Variants in CTNNA3 observed in about 807,000 individuals in gnomAD.
CTNNA3 encodes the protein catenin alpha 3.
In CTNNA3, 76 loss-of-function variants were observed where a neutral mutation model predicts 95.7. The observed-to-expected ratio is 0.79, with a 90% CI of 0.66 to 0.96. The LOEUF is 0.96. Among genes scored for constraint, CTNNA3 ranks in the 40% least tolerant of loss-of-function variants. CTNNA3 has a pLI of 0.00. For synonymous variants in CTNNA3, 431 were observed against 374.4 expected (o/e 1.15, Z -1.74); for missense variants, 1,191 against 1,089.8 (o/e 1.09, Z -1.31).
chr10:67,452,256 T>C (rs1196872440), intron 5 of CTNNA3, among the ~76,000 whole-genome samples: 1 of 152,164 alleles, frequency 6.6e-6, no homozygotes, highest in Admixed American at 6.6e-5. Context: ...CTAATATTGA[T>C]ATCAAAATAT....
At chr10:66,441,271 G>A (rs1166231841) in intron 11 of CTNNA3, among the ~76,000 whole-genome samples, 1 of 152,110 alleles carries the variant, frequency 6.6e-6, no homozygotes, top group Non-Finnish European at 1.5e-5. Context: ...ATTGTAATGT[G>A]ACAATTGACA....
At chr10:65,979,911 C>A (rs2078284151) in intron 16 of CTNNA3, among the ~76,000 whole-genome samples, 1 of 151,872 alleles carries the variant, frequency 6.6e-6, no homozygotes, top group South Asian at 2.1e-4. Flanking sequence ...GTTCATTAAT[C>A]TGGAGAACTA....
intron 9 of CTNNA3, among the ~76,000 whole-genome samples, chr10:66,664,889 T>TAAAAAAAAAAAA (rs56801434): frequency 7.4e-6 from 1 of 134,522 alleles, no homozygotes; most frequent in African/African-American, 2.7e-5. Context: ...CTGAAAAAAT[T>TAAAAAAAAAAAA]AAAAAAAAAA....
intron 7 of CTNNA3, among the ~76,000 whole-genome samples, chr10:66,983,575 G>A (rs1850566873): frequency 6.6e-6 from 1 of 152,050 alleles, no homozygotes; most frequent in African/African-American, 2.4e-5. Context: ...AGTTTTTATT[G>A]AGCTATTTAT....
At chr10:66,822,287 G>A (rs929199448) in intron 7 of CTNNA3, among the ~76,000 whole-genome samples, 3 of 151,870 alleles carry the variant, frequency 2.0e-5, no homozygotes, top group Admixed American at 6.6e-5. Context: ...CCATGACCAC[G>A]GCAAGCATTG....
At chr10:67,197,830 T>C (rs965626736) in intron 6 of CTNNA3, among the ~76,000 whole-genome samples, 2 of 152,146 alleles carry the variant, frequency 1.3e-5, no homozygotes, top group Admixed American at 6.5e-5. Flanking sequence ...AAAATTGCTG[T>C]AGTCACTGTG....
intron 7 of CTNNA3, among the ~76,000 whole-genome samples, chr10:66,969,270 T>G (rs971007963): frequency 6.6e-6 from 1 of 152,138 alleles, no homozygotes; most frequent in Non-Finnish European, 1.5e-5. Flanking sequence ...TGATACTGTA[T>G]ATCAATTTTA....
rs10997067 is a variant in CTNNA3, at chr10:66,341,848, A to G, written c.1732+37304T>C. ...TGTTGATATTATTCTTTGCGTATTA[A>G]CCTCAGAAGGGGAACAATATATGGA... On this transcript the variant is annotated intron_variant, in intron 12 of 17. Coordinates refer to ENST00000433211, the MANE Select transcript of CTNNA3 (RefSeq NM_013266.4). Among the ~76,000 whole-genome samples, 406 of 151,922 alleles carry G rather than the reference A, an allele frequency of 2.7e-3. 10 individuals are homozygous for G. In the East Asian group the frequency reaches 0.056, roughly 21 times the overall value.
intron 5 of CTNNA3, among the ~76,000 whole-genome samples, chr10:67,485,519 A>T (rs1039813906): frequency 6.6e-6 from 1 of 152,196 alleles, no homozygotes; most frequent in Non-Finnish European, 1.5e-5. Flanking sequence ...AAACAGAAAG[A>T]AAGATAAAAA....
chr10:66,188,584 AGG>A (rs1554883543), intron 13 of CTNNA3, among the ~76,000 whole-genome samples: 3 of 60,226 alleles, frequency 5.0e-5, no homozygotes, highest in Non-Finnish European at 9.5e-5. Flanking sequence ...GTGTGGGGGG[AGG>A]GGGGGTCTCT....
chr10:66,427,056 C>T (rs2093248746), intron 11 of CTNNA3, among the ~76,000 whole-genome samples: 1 of 151,758 alleles, frequency 6.6e-6, no homozygotes, highest in South Asian at 2.1e-4. Flanking sequence ...CTCTCAAAGG[C>T]CCTTTTGTCA....
At chr10:67,424,076 A>G (rs1316623034) in intron 5 of CTNNA3, among the ~76,000 whole-genome samples, 1 of 152,168 alleles carries the variant, frequency 6.6e-6, no homozygotes, top group Non-Finnish European at 1.5e-5. Flanking sequence ...TCAAATGTCA[A>G]TTAACACAGT....
intron 9 of CTNNA3, among the ~76,000 whole-genome samples, chr10:66,704,740 G>A (rs1848063054): frequency 6.6e-6 from 1 of 152,042 alleles, no homozygotes; most frequent in South Asian, 2.1e-4. Flanking sequence ...GTATTATGTA[G>A]GTGTTCCAAA....
intron 13 of CTNNA3, among the ~76,000 whole-genome samples, chr10:66,133,107 C>T (rs1355615252): frequency 6.6e-6 from 1 of 151,850 alleles, no homozygotes; most frequent in East Asian, 1.9e-4. Context: ...AATAGAAAGG[C>T]ACCCCATGAT....
chr10:67,019,316 C>G (rs1852847603), intron 7 of CTNNA3, among the ~76,000 whole-genome samples: 1 of 152,048 alleles, frequency 6.6e-6, no homozygotes. Flanking sequence ...CCTTCCGGGT[C>G]CAAGCGCTTC....
chr10:66,173,620 G>T (rs1273501956), intron 13 of CTNNA3, among the ~76,000 whole-genome samples: 1 of 151,708 alleles, frequency 6.6e-6, no homozygotes, highest in East Asian at 1.9e-4. Context: ...GAGGTAGAGG[G>T]TGCAGTGAGC....
chr10:67,185,564 A>G (rs1273505898), intron 6 of CTNNA3, among the ~76,000 whole-genome samples: 1 of 152,112 alleles, frequency 6.6e-6, no homozygotes, highest in African/African-American at 2.4e-5. Context: ...TACCCAGTAG[A>G]TATTATTTTT....
chr10:67,192,091 G>C (rs1425612385), intron 6 of CTNNA3, among the ~76,000 whole-genome samples: 1 of 151,862 alleles, frequency 6.6e-6, no homozygotes, highest in Non-Finnish European at 1.5e-5. Context: ...ACTTGAAATG[G>C]ATAAAAGACA....
intron 1 of CTNNA3, chr10:67,750,938 T>A: frequency 6.2e-7 from 1 of 1,609,262 alleles, no homozygotes; most frequent in Non-Finnish European, 8.5e-7. Flanking sequence ...CCGGATAGAC[T>A]TTGGGCCAAG....
Sources: gnomAD v4.1 joint callset for allele counts (sites outside exome capture counted in the v4.1 genomes callset) on GRCh38, gnomAD v4.1.1 for gene constraint, MANE v1.5 for transcripts, NCBI Gene and HGNC (gene_info 2026-07-23, HGNC 2026-07-21) for gene names.